KIF15: variants seen among roughly 807,000 people sequenced by gnomAD.
The protein encoded by KIF15 is kinesin family member 15.
Under a neutral mutation model 190.6 loss-of-function variants are expected in KIF15, and 140 were observed. The observed-to-expected ratio is 0.73, with a 90% CI of 0.64 to 0.84. KIF15 has a LOEUF of 0.84. Ranked by LOEUF, KIF15 falls within the 40% of genes least tolerant of loss-of-function variation. The probability of loss-of-function intolerance (pLI) is 0.00; values close to 1 mark genes in which losing one functional copy is unlikely to be tolerated. For synonymous variants in KIF15, 528 were observed against 551.3 expected (o/e 0.96, Z 0.59); for missense variants, 1,372 against 1,584.4 (o/e 0.87, Z 2.28).
intron 7 of KIF15, among the ~76,000 whole-genome samples, chr3:44,790,583 C>T (rs953634976): frequency 7.9e-5 from 12 of 151,978 alleles, no homozygotes; most frequent in African/African-American, 2.9e-4. Flanking sequence ...CTGTACTTTC[C>T]TATCAACACA....
intron 27 of KIF15, 138 bp downstream of exon 27, chr3:44,838,559 A>AGGGTTTCAGTTCACCATGT: frequency 1.3e-6 from 1 of 778,348 alleles, no homozygotes; most frequent in Non-Finnish European, 1.9e-6. Flanking sequence ...TCTGGCCAAC[A>AGGGTTTCAGTTCACCATGT]TGGTGAACTG....
intron 32 of KIF15, among the ~76,000 whole-genome samples, chr3:44,849,023 G>C (rs574932732): frequency 6.6e-6 from 1 of 152,128 alleles, no homozygotes; most frequent in African/African-American, 2.4e-5. Flanking sequence ...CTTATAAATG[G>C]CCTCACTCTT....
rs754509462 is a variant in KIF15 at position 44,810,875 on chromosome 3, A to G, written c.2001A>G (p.Gln667=). Residue 667 remains glutamine (Q), a synonymous_variant, in exon 17 of 35, where the codon CAA becomes CAG. Coordinates refer to ENST00000326047, the MANE Select transcript of KIF15 (RefSeq NM_020242.3). ...TAACTACACCAACCAAGGCCTACCA[A>G]CTTCATTCCCGACCAGTACCAAAAT... The part of the protein sequence containing the change: ...KIITTPTKAY[Q]LHSRPVPKLS... 4 of 1,613,746 alleles carry G rather than the reference A, an allele frequency of 2.5e-6. No individual in the cohort carries two copies. The highest frequency in any genetic ancestry group is 1.7e-4 in the Middle Eastern group (1 of 6,060).
Position 44,843,221 on chromosome 3 carries a change from C to T in KIF15, c.3682C>T (p.Gln1228Ter), listed in dbSNP as rs1186524236. ...LQGQLDDIKRQKENSDQNHPD... is the reference protein window; with the variant it reads ...LQGQLDDIKR ...AGGTCAGCTGGATGATATTAAAAGACAAAAGGAAAACAGGTGAGAAAGAAC... is the reference window on the plus strand; with the variant it reads ...AGGTCAGCTGGATGATATTAAAAGATAAAAGGAAAACAGGTGAGAAAGAAC... Residue 1228 changes from glutamine to a stop codon, truncating the protein, a stop_gained, in exon 30 of 35, where the codon CAA becomes TAA. Transcript: ENST00000326047. LOFTEE classifies it high-confidence loss of function. The T allele has an allele frequency of 6.2e-7, 1 of 1,610,208 alleles. No individual in the cohort carries two copies. The highest frequency in any genetic ancestry group is 8.5e-7 in the Non-Finnish European group (1 of 1,177,402).
chr3:44,859,987 G>A (rs567838451), intron 6 of KIF15, among the ~76,000 whole-genome samples: 44 of 152,252 alleles, frequency 2.9e-4, no homozygotes, highest in Non-Finnish European at 4.1e-4. Flanking sequence ...CACCAGGGCT[G>A]GGGACCTGGA....
At chr3:44,861,960 G>A (rs1320510293) in intron 6 of KIF15, 4 of 1,400,648 alleles carry the variant, frequency 2.9e-6, no homozygotes, top group Admixed American at 3.4e-5. Context: ...GCGGCGCCGT[G>A]TCCGCGACCG....
Position 44,826,098 on chromosome 3 carries a change from T to C in KIF15, c.2609T>C (p.Leu870Ser), listed in dbSNP as rs755197824. 6.3e-7 allele frequency: 1 copy of C among 1,589,788 alleles called. No individual in the cohort carries two copies. Among genetic ancestry groups the C allele is most frequent in the South Asian group, 1.2e-5 (1 of 85,308 alleles). ...KACLQDSYDN[L>S]QEIMKFEIDQ... Reference sequence around the variant, plus strand: ...TGCCTACAGGATTCCTATGACAACTTACAAGAAATAATGAAATTTGAGATT... The same window carrying C: ...TGCCTACAGGATTCCTATGACAACTCACAAGAAATAATGAAATTTGAGATT... Residue 870 changes from leucine (L) to serine (S), a missense_variant, in exon 21 of 35, where the codon TTA (leucine) becomes TCA (serine). Transcript: ENST00000326047.
intron 10 of KIF15, among the ~76,000 whole-genome samples, chr3:44,798,612 C>A (rs563106876): frequency 6.6e-6 from 1 of 152,158 alleles, no homozygotes; most frequent in African/African-American, 2.4e-5. Flanking sequence ...CTTTGTTGCC[C>A]AGGCTCGTCT....
rs11710692 is a variant in KIF15 at position 44,793,494 on chromosome 3, G to T, written c.640-723G>T. Among the ~76,000 whole-genome samples the T allele has an allele frequency of 5.3e-5, 8 of 152,102 alleles. 1 individual carries two copies. In the South Asian group the frequency reaches 1.7e-3, roughly 32 times the overall value. ...GCAAAACCAGTTCTAGATCCTATGC[G>T]CTCTGATTTCCTGTTTGTTCTGTTT... On this transcript the variant is annotated intron_variant, in intron 7 of 34. Transcript: ENST00000326047.
At position 44,805,011 on chromosome 3, in the gene KIF15, G is replaced by A. The variant is rs532138801; in HGVS notation, c.1688-16G>A. ...AAAAAAAAAAAAAAAGACTGAGATTGTTTTCTTATTAACAGATCAGCAAGG... is the reference window on the plus strand; with the variant it reads ...AAAAAAAAAAAAAAAGACTGAGATTATTTTCTTATTAACAGATCAGCAAGG... On this transcript the variant is annotated splice_polypyrimidine_tract_variant and intron_variant, in intron 14 of 34. Coordinates refer to ENST00000326047, the MANE Select transcript of KIF15 (RefSeq NM_020242.3). 53 of 1,556,964 alleles carry A rather than the reference G, an allele frequency of 3.4e-5. No homozygotes were observed. The East Asian group carries it at 5.0e-4, about 15-fold the overall frequency.
chr3:44,824,957 G>A (rs1369128150), intron 20 of KIF15, among the ~76,000 whole-genome samples: 8 of 151,910 alleles, frequency 5.3e-5, no homozygotes, highest in East Asian at 3.9e-4. Context: ...ACAGAGTTTC[G>A]CCATGTTGTC....
At chr3:44,789,994 TG>T (rs1164843368) in intron 7 of KIF15, among the ~76,000 whole-genome samples, 2 of 152,098 alleles carry the variant, frequency 1.3e-5, no homozygotes, top group Non-Finnish European at 2.9e-5. Flanking sequence ...GGTGGATAAG[TG>T]AGTGATGGCA....
intron 26 of KIF15, among the ~76,000 whole-genome samples, chr3:44,834,980 T>A (rs1214565755): frequency 1.3e-5 from 2 of 148,936 alleles, no homozygotes; most frequent in Non-Finnish European, 3.0e-5. Flanking sequence ...TTATATAATA[T>A]TATGTTATAA....
At chr3:44,826,345 A>G in intron 21 of KIF15, 30 bp from the exon 22 acceptor site, 1 of 1,592,994 alleles carries the variant, frequency 6.3e-7, no homozygotes, top group East Asian at 2.2e-5. Flanking sequence ...TGCTAGTAAC[A>G]GTTACTTAAA....
chr3:44,829,374 A>ATATG (rs1553658416), intron 24 of KIF15, among the ~76,000 whole-genome samples: 2 of 136,824 alleles, frequency 1.5e-5, no homozygotes, highest in Non-Finnish European at 3.1e-5. Context: ...ATATATATAT[A>ATATG]TGTGTGTGTG....
intron 13 of KIF15, 100 bp from the exon 14 acceptor site, chr3:44,802,714 T>A: frequency 8.5e-7 from 1 of 1,174,524 alleles, no homozygotes; most frequent in Non-Finnish European, 1.2e-6. Flanking sequence ...CCACCAGTAG[T>A]GCATGTGCAT....
chr3:44,781,675 T>G (rs139961342), intron 5 of KIF15, among the ~76,000 whole-genome samples: 2 of 152,362 alleles, frequency 1.3e-5, no homozygotes, highest in East Asian at 1.9e-4. Context: ...AAGTTCCAGT[T>G]GCTCCACTTC....
intron 1 of KIF15, among the ~76,000 whole-genome samples, chr3:44,771,786 A>G (rs962053912): frequency 2.0e-5 from 3 of 152,214 alleles, no homozygotes; most frequent in Admixed American, 6.5e-5. Flanking sequence ...AAGCCATATA[A>G]TACCCTTTTG....
In KIF15 at chr3:44,805,031, G is replaced by A. The variant is rs374613203; in HGVS notation, c.1692G>A (p.Gln564=). ...ISGMEKSDKN[Q]QGFSPKAQKE... is the part of the protein sequence containing the mutation. ...AGATTGTTTTCTTATTAACAGATCAGCAAGGATTTTCACCTAAAGCTCAGA... is the reference window on the plus strand; with the variant it reads ...AGATTGTTTTCTTATTAACAGATCAACAAGGATTTTCACCTAAAGCTCAGA... Residue 564 remains glutamine (Q), a synonymous_variant, in exon 15 of 35, where the codon CAG becomes CAA. Transcript: ENST00000326047. 40 of 1,604,934 alleles carry A rather than the reference G, an allele frequency of 2.5e-5. No individual in the cohort carries two copies. The highest frequency in any genetic ancestry group is 3.1e-5 in the Non-Finnish European group (37 of 1,177,254).
Sources: allele counts gnomAD v4.1 joint callset (sites outside exome capture counted in the v4.1 genomes callset), GRCh38; gene constraint gnomAD v4.1.1; transcripts MANE v1.5; gene names NCBI Gene and HGNC (gene_info 2026-07-23, HGNC 2026-07-21).